The following MTUS1 variants were observed in gnomAD, a reference collection of about 807,000 sequenced individuals.
MTUS1 encodes the protein microtubule associated scaffold protein 1, also known as microtubule-associated tumor suppressor 1.
MTUS1 carries 109 observed loss-of-function variants against 120.8 expected under a neutral mutation model. The ratio of observed to expected loss-of-function variants is 0.90; its 90% CI spans 0.77 to 1.06. The LOEUF (loss-of-function observed/expected upper bound fraction) is 1.06, where lower values mean the gene tolerates loss of function less well. Among genes scored for constraint, MTUS1 ranks in the 50% least tolerant of loss-of-function variants. The probability of loss-of-function intolerance (pLI) is 0.00; values close to 1 mark genes in which losing one functional copy is unlikely to be tolerated. For missense variants in MTUS1, 2,210 were observed against 1,486.3 expected, an observed-to-expected ratio of 1.49 and a Z score of -8.01; for synonymous variants, 737 against 550.5, an observed-to-expected ratio of 1.34 and a Z score of -4.74.
Position 17,654,550 on chromosome 8 carries a change from A to G in MTUS1, c.3214+11T>C, listed in dbSNP as rs769151484. On this transcript the variant is annotated intron_variant, in intron 10 of 14. Transcript: ENST00000693296. The stretch of plus-strand genomic sequence containing the variant: ...TTTATTCTGTTTAAAGAGGAAAAAA[A>G]GCATCCTTGCCTGAAAGGGAGGCTT... 16 of 1,550,756 alleles carry G rather than the reference A, an allele frequency of 1.0e-5. No homozygotes were observed. The highest frequency in any genetic ancestry group is 1.4e-5 in the Non-Finnish European group (16 of 1,122,958).
chr8:17,754,262 A>T lies in MTUS1; in HGVS notation c.1546T>A (p.Ser516Thr), dbSNP rs2048418970. The change falls in exon 2 of 15, where the codon TCT becomes ACT. Residue 516 changes from serine (S) to threonine (T), a missense_variant. Transcript: ENST00000693296. Reference protein sequence around the residue: ...NFKNVKAKVMSRAVLQPKDAA... With the variant: ...NFKNVKAKVMTRAVLQPKDAA... ...TCTTTGGGCTGCAACACTGCTCTAG[A>T]CATAACTTTTGCTTTGACATTCTTG... The T allele has an allele frequency of 3.1e-6, 5 of 1,614,088 alleles. No individual in the cohort carries two copies. The highest frequency in any genetic ancestry group is 4.2e-6 in the Non-Finnish European group (5 of 1,180,020).
At chr8:17,726,889 C>T (rs998059307) in intron 3 of MTUS1, among the ~76,000 whole-genome samples, 2 of 152,196 alleles carry the variant, frequency 1.3e-5, no homozygotes, top group African/African-American at 4.8e-5. Context: ...GCCAAGGCTT[C>T]CTACATTTTG....
chr8:17,692,224 G>C (rs1817085767), intron 6 of MTUS1: 1 of 152,138 alleles, frequency 6.6e-6, no homozygotes, highest in African/African-American at 2.4e-5. Context: ...GACTAGAGAA[G>C]TCACACGCTC....
chr8:17,755,941 G>T lies in MTUS1; in HGVS notation c.-134C>A. 2 of 1,430,328 alleles carry T rather than the reference G, an allele frequency of 1.4e-6. No homozygotes were observed. The highest frequency in any genetic ancestry group is 1.8e-6 in the Non-Finnish European group (2 of 1,097,918). The allele number at this position is 1,430,328 out of a possible 1,614,324, so 88.6% of individuals were successfully genotyped here. On this transcript the variant is annotated 5_prime_UTR_variant, in exon 2 of 15. Transcript: ENST00000693296. ...GGTTTTCAGTCTAAGATGCTCTGAA[G>T]ATTAAATGATTTGTTGTTCCCTGGA...
At chr8:17,654,537 A>T in intron 10 of MTUS1, 24 bp downstream of exon 10, 1 of 1,415,752 alleles carries the variant, frequency 7.1e-7, no homozygotes, top group Non-Finnish European at 1.0e-6. Context: ...TATTCTGTTT[A>T]AAGAGGAAAA....
At chr8:17,681,941 T>C (rs569018448) in intron 7 of MTUS1, among the ~76,000 whole-genome samples, 5 of 152,276 alleles carry the variant, frequency 3.3e-5, no homozygotes, top group Admixed American at 1.3e-4. Flanking sequence ...AATATAAAAG[T>C]TGTTAATGAG....
chr8:17,797,066 C>T (rs968723539), intron 1 of MTUS1, among the ~76,000 whole-genome samples: 4 of 151,752 alleles, frequency 2.6e-5, no homozygotes, highest in South Asian at 2.1e-4. Flanking sequence ...GAGCTGAGAT[C>T]GCACGCACCA....
chr8:17,749,935 CAG>C (rs1267938635), intron 2 of MTUS1, among the ~76,000 whole-genome samples: 9 of 150,818 alleles, frequency 6.0e-5, no homozygotes, highest in African/African-American at 2.2e-4. Context: ...AAATATATTA[CAG>C]AGTTTGACCC....
At chr8:17,649,728 T>C in intron 13 of MTUS1, 118 bp downstream of exon 13, 2 of 664,054 alleles carry the variant, frequency 3.0e-6, no homozygotes, top group Non-Finnish European at 5.3e-6. Context: ...ATCTTTTGTA[T>C]AATTTCTAAA....
rs929172880 is a variant in MTUS1, at chr8:17,674,974, TAGTC to T, written c.2905+208_2905+211del. 8.1e-6 allele frequency: 11 copies of T among 1,352,402 alleles called. No individual in the cohort carries two copies. In the African/African-American group the frequency reaches 1.3e-4, roughly 16 times the overall value. 83.8% of individuals were successfully genotyped at this position (1,352,402 alleles called of 1,614,324 possible). A position where few individuals can be genotyped will look rare whatever the true frequency, so the allele number is the denominator to read the frequency against. On this transcript the variant is annotated intron_variant, in intron 8 of 14. Coordinates refer to ENST00000693296, the MANE Select transcript of MTUS1 (RefSeq NM_001363059.2). ...TGCTCATCAGAAGTTCTGCTAGGCTTAGTCAGATCAGTGCCAGGAATTCTGTGAA... is the reference window on the plus strand; with the variant it reads ...TGCTCATCAGAAGTTCTGCTAGGCTTAGATCAGTGCCAGGAATTCTGTGAA...
Position 17,783,698 on chromosome 8 carries a change from A to G in MTUS1, c.-155+17363T>C, listed in dbSNP as rs537643575. Among the ~76,000 whole-genome samples, 8 of 152,228 alleles carry G rather than the reference A, an allele frequency of 5.3e-5. No individual in the cohort carries two copies. In the South Asian group the frequency reaches 6.2e-4, roughly 12 times the overall value. On this transcript the variant is annotated intron_variant, in intron 1 of 14. Coordinates refer to ENST00000693296, the MANE Select transcript of MTUS1 (RefSeq NM_001363059.2). ...CTGACTTCCAAGGGCCTGACAGCCTATTGGTGACAGCCTTTACAATCACTG... is the reference window on the plus strand; with the variant it reads ...CTGACTTCCAAGGGCCTGACAGCCTGTTGGTGACAGCCTTTACAATCACTG...
At position 17,721,681 on chromosome 8, in the gene MTUS1, A is replaced by G. The variant is rs560579702; in HGVS notation, c.2449+1991T>C. 4.1e-5 allele frequency: 63 copies of G among 1,542,160 alleles called. No individual in the cohort carries two copies. The Admixed American group carries it at 6.8e-4, about 17-fold the overall frequency. ...TGAATAAAAATTTAAGCATGCTTAC[A>G]AAGAAAAGAAACCAGAAATCGTCGA... On this transcript the variant is annotated intron_variant, in intron 4 of 14. Coordinates refer to ENST00000693296, the MANE Select transcript of MTUS1 (RefSeq NM_001363059.2).
chr8:17,700,779 A>C (rs1293146346), intron 6 of MTUS1, among the ~76,000 whole-genome samples: 2 of 152,170 alleles, frequency 1.3e-5, no homozygotes, highest in African/African-American at 4.8e-5. Context: ...AAATGAGCCG[A>C]GTTTTCATAA....
In MTUS1 at chr8:17,645,200, C is replaced by T. The variant is rs1311020253; in HGVS notation, c.*726G>A. Reference sequence around the variant, plus strand: ...AAAAATCTAGTTTCAACTGACATGGCTGAACACTGAAAAACTGCCAAGAAG... The same window carrying T: ...AAAAATCTAGTTTCAACTGACATGGTTGAACACTGAAAAACTGCCAAGAAG... On this transcript the variant is annotated 3_prime_UTR_variant, in exon 15 of 15. Transcript: ENST00000693296. The T allele has an allele frequency of 6.6e-6, 1 of 152,492 alleles. No homozygotes were observed. The highest frequency in any genetic ancestry group is 2.4e-5 in the African/African-American group (1 of 41,402). 9.4% of individuals were successfully genotyped at this position (152,492 alleles called of 1,614,324 possible).
At chr8:17,719,124 C>T (rs918252613) in intron 4 of MTUS1, among the ~76,000 whole-genome samples, 4 of 151,770 alleles carry the variant, frequency 2.6e-5, no homozygotes, top group African/African-American at 2.4e-5. Flanking sequence ...GAGCCGAGAT[C>T]GTGCCACTGC....
intron 13 of MTUS1, 66 bp downstream of exon 13, chr8:17,649,780 G>A: frequency 1.2e-6 from 1 of 852,080 alleles, no homozygotes; most frequent in Admixed American, 1.8e-5. Context: ...GTTCTAAAAT[G>A]CAGGGCTCAA....
At chr8:17,663,756 C>T (rs540229271) in intron 8 of MTUS1, among the ~76,000 whole-genome samples, 59 of 152,122 alleles carry the variant, frequency 3.9e-4, no homozygotes, top group South Asian at 2.7e-3. Context: ...CCACCATACC[C>T]GGCTAATTTT....
At chr8:17,788,437 G>C (rs2051492545) in intron 1 of MTUS1, among the ~76,000 whole-genome samples, 1 of 152,084 alleles carries the variant, frequency 6.6e-6, no homozygotes, top group African/African-American at 2.4e-5. Context: ...ATAGCTACTA[G>C]TTACCGTTTC....
chr8:17,738,205 T>A lies in MTUS1; in HGVS notation c.2287+5399A>T, dbSNP rs370940197. ...ACCATCTCTTTCAGGAGGCCTTTCTTCACCGACCCACCCCTGGACATTCTT... is the reference window on the plus strand; with the variant it reads ...ACCATCTCTTTCAGGAGGCCTTTCTACACCGACCCACCCCTGGACATTCTT... On this transcript the variant is annotated intron_variant, in intron 3 of 14. Transcript: ENST00000693296. 1.5e-4 allele frequency among the ~76,000 whole-genome samples: 23 copies of A among 152,338 alleles called. 2 individuals are homozygous for A. The highest frequency in any genetic ancestry group is 4.8e-4 in the African/African-American group (20 of 41,572).
Sources: allele counts gnomAD v4.1 joint callset (sites outside exome capture counted in the v4.1 genomes callset), GRCh38; gene constraint gnomAD v4.1.1; transcripts MANE v1.5; gene names NCBI Gene and HGNC (gene_info 2026-07-23, HGNC 2026-07-21).